Variants in CBLN3 observed in about 807,000 individuals in gnomAD.
CBLN3 encodes the protein cerebellin 3 precursor, also known as cerebellin-3.
CBLN3 carries 14 observed loss-of-function variants against 17.4 expected under a neutral mutation model. That is an observed-to-expected ratio of 0.81 (90% CI 0.53 to 1.26). The LOEUF (loss-of-function observed/expected upper bound fraction) is 1.26. Ranked by LOEUF, CBLN3 falls within the 50% of genes most tolerant of loss-of-function variation. The pLI, the probability that CBLN3 is intolerant of heterozygous loss-of-function variation, is 0.00. For missense variants in CBLN3, 263 were observed against 268.5 expected (o/e 0.98, Z 0.14); for synonymous variants, 129 against 117.4 (o/e 1.10, Z -0.64).
Position 24,429,000 on chromosome 14 carries a change from G to A in CBLN3, c.55C>T (p.Pro19Ser). 1 of 1,549,576 alleles carries A rather than the reference G, an allele frequency of 6.5e-7. No homozygotes were observed. Among genetic ancestry groups the A allele is most frequent in the East Asian group, 2.4e-5 (1 of 40,914 alleles). The change falls in exon 1 of 3, where the codon CCC (proline) becomes TCC (serine). Residue 19 changes from proline to serine, a missense_variant. Transcript: ENST00000267406. Reference protein sequence around the residue: ...LPGPLHSPGLPLVLVLLALGA... With the variant: ...LPGPLHSPGLSLVLVLLALGA... ...AGGGCCAGAAGCACCAGAACCAAGG[G>A]CAGCCCGGGACTGTGTAGGGGACCT...
In CBLN3 at chr14:24,428,969, GC is replaced by G. The variant is rs759346972; in HGVS notation, c.85del (p.Ala29ProfsTer75). ...PLVLVLLALG[A>X]GWAQEGSEPV... The stretch of plus-strand genomic sequence containing the variant: ...CTCTGACCCCTCCTGGGCCCACCCG[GC>G]CCCCAGGGCCAGAAGCACCAGAACC... On this transcript the variant is annotated frameshift_variant, in exon 1 of 3. Coordinates refer to ENST00000267406, the MANE Select transcript of CBLN3 (RefSeq NM_001039771.3). LOFTEE classifies it high-confidence loss of function. 6.4e-7 allele frequency: 1 copy of G among 1,551,098 alleles called. No homozygotes were observed. The highest frequency in any genetic ancestry group is 8.7e-7 in the Non-Finnish European group (1 of 1,146,928).
intron 1 of CBLN3, 61 bp from the exon 2 acceptor site, chr14:24,428,466 T>C (rs1184882304): frequency 1.9e-6 from 3 of 1,598,182 alleles, no homozygotes; most frequent in Admixed American, 1.7e-5. Context: ...AGGGGTACCA[T>C]GGGGACTAGG....
Position 24,428,295 on chromosome 14 carries a change from T to C in CBLN3, c.411A>G (p.Gln137=). 1.9e-6 allele frequency: 3 copies of C among 1,613,724 alleles called. No individual in the cohort carries two copies. The highest frequency in any genetic ancestry group is 2.5e-6 in the Non-Finnish European group (3 of 1,179,882). Residue 137 remains glutamine, a synonymous_variant, in exon 2 of 3, where the codon CAA becomes CAG. Transcript: ENST00000267406. ...CCAGTGCTGAGGTCACCTGGACAGT[T>C]TGGCGGTTGTACACCTTCACCACAT... ...RFHVVKVYNR[Q]TVQVSLMLNT...
In CBLN3 at chr14:24,428,317, A is replaced by G; in HGVS notation, c.389T>C (p.Val130Ala). ...AGTTTGGCGGTTGTACACCTTCACC[A>G]CATGGAACCGGAAGCTGTAGACACC... Reference protein sequence around the residue: ...VRGVYSFRFHVVKVYNRQTVQ... With the variant: ...VRGVYSFRFHAVKVYNRQTVQ... The change falls in exon 2 of 3, where the codon GTG becomes GCG. Residue 130 changes from valine to alanine, a missense_variant. Coordinates refer to ENST00000267406, the MANE Select transcript of CBLN3 (RefSeq NM_001039771.3). 1 of 1,613,890 alleles carries G rather than the reference A, an allele frequency of 6.2e-7. No homozygotes were observed. Among genetic ancestry groups the G allele is most frequent in the Non-Finnish European group, 8.5e-7 (1 of 1,179,898 alleles).
At position 24,429,606 on chromosome 14, in the gene CBLN3, C is replaced by A; in HGVS notation, c.-552G>T. ...CCTCCGCCTCCCGCCTCCCGCCTAC[C>A]CCCTCCGCCACGATTGCTTTGGTGG... On this transcript the variant is annotated 5_prime_UTR_variant, in exon 1 of 3. Transcript: ENST00000267406. 2 of 950,474 alleles carry A rather than the reference C, an allele frequency of 2.1e-6. No individual in the cohort carries two copies. Among genetic ancestry groups the A allele is most frequent in the Non-Finnish European group, 2.7e-6 (2 of 727,968 alleles). The allele number at this position is 950,474 out of a possible 1,614,324, so 58.9% of individuals were successfully genotyped here.
Position 24,429,569 on chromosome 14 carries a change from C to A in CBLN3, c.-515G>T. 1.9e-6 allele frequency: 1 copy of A among 534,254 alleles called. No individual in the cohort carries two copies. The highest frequency in any genetic ancestry group is 3.0e-6 in the Non-Finnish European group (1 of 334,578). The allele number at this position is 534,254 out of a possible 1,614,324, so 33.1% of individuals were successfully genotyped here. On this transcript the variant is annotated 5_prime_UTR_variant, in exon 1 of 3. Transcript: ENST00000267406. The stretch of plus-strand genomic sequence containing the variant: ...CGTTTGTTGGAAGAAAGGGGTACTC[C>A]ACCACGGGTACCCTCCGCCTCCCGC...
chr14:24,426,877 T>C lies in CBLN3; in HGVS notation c.*912A>G, dbSNP rs1399078325. 3 of 152,246 alleles carry C rather than the reference T, an allele frequency of 2.0e-5. No individual in the cohort carries two copies. Among genetic ancestry groups the C allele is most frequent in the Non-Finnish European group, 2.9e-5 (2 of 68,146 alleles). 9.4% of individuals were successfully genotyped at this position (152,246 alleles called of 1,614,324 possible). On this transcript the variant is annotated 3_prime_UTR_variant, in exon 3 of 3. Transcript: ENST00000267406. Reference sequence around the variant, plus strand: ...TGGGGATATGCTGGAACAGGTACAGTGAAGATAACTCAGTGAGAGAGCTGG... The same window carrying C: ...TGGGGATATGCTGGAACAGGTACAGCGAAGATAACTCAGTGAGAGAGCTGG...
rs769666640 is a variant in CBLN3, at chr14:24,427,929, C to T, written c.478G>A (p.Val160Met). The T allele has an allele frequency of 5.0e-6, 8 of 1,613,822 alleles. No homozygotes were observed. The highest frequency in any genetic ancestry group is 1.7e-5 in the Admixed American group (1 of 59,998). Residue 160 changes from valine (V) to methionine (M), a missense_variant, in exon 3 of 3, where the codon GTG becomes ATG. Physicochemically the swap from Val to Met is conservative, Grantham distance 21 (BLOSUM62 1). Transcript: ENST00000267406. The surrounding 1 kb of genome is among the most constrained non-coding windows in gnomAD (Gnocchi z 4.4). ...GAGCTGGTGGCTGCCTCCCGGGTCACGTCAGGATCATTGGCAAAGGCTGAG... is the reference window on the plus strand; with the variant it reads ...GAGCTGGTGGCTGCCTCCCGGGTCATGTCAGGATCATTGGCAAAGGCTGAG... ...VISAFANDPD[V>M]TREAATSSVL...
chr14:24,428,627 C>T lies in CBLN3; in HGVS notation c.300+128G>A, dbSNP rs1194198414. 4.2e-6 allele frequency: 5 copies of T among 1,195,082 alleles called. No individual in the cohort carries two copies. The East Asian group carries it at 9.6e-5, about 23-fold the overall frequency. 74.0% of individuals were successfully genotyped at this position (1,195,082 alleles called of 1,614,324 possible). On this transcript the variant is annotated intron_variant, in intron 1 of 2. Coordinates refer to ENST00000267406, the MANE Select transcript of CBLN3 (RefSeq NM_001039771.3). ...GTCGGTGGGGTGGTGGGGCAATAGGCCAGATTAGTGAAAGATGTAGGAAGC... is the reference window on the plus strand; with the variant it reads ...GTCGGTGGGGTGGTGGGGCAATAGGTCAGATTAGTGAAAGATGTAGGAAGC...
In CBLN3 at chr14:24,427,338, GC is replaced by G. The variant is rs573081995; in HGVS notation, c.*450del. On this transcript the variant is annotated 3_prime_UTR_variant, in exon 3 of 3. Coordinates refer to ENST00000267406, the MANE Select transcript of CBLN3 (RefSeq NM_001039771.3). This position sits in a 1 kb window ranked among gnomAD's most constrained non-coding sequence, Gnocchi z 4.4. ...GACGGTGCTGGCTGAGATCCGTGATGCTGGCTTTCCTCACAGGAAGAAGCCT... is the reference window on the plus strand; with the variant it reads ...GACGGTGCTGGCTGAGATCCGTGATGTGGCTTTCCTCACAGGAAGAAGCCT... The G allele has an allele frequency of 5.0e-4, 91 of 180,218 alleles. No homozygotes were observed. Among genetic ancestry groups the G allele is most frequent in the Admixed American group, 8.4e-4 (15 of 17,954 alleles). 11.2% of individuals were successfully genotyped at this position (180,218 alleles called of 1,614,324 possible).
Position 24,428,365 on chromosome 14 carries a change from C to G in CBLN3, c.341G>C (p.Gly114Ala), listed in dbSNP as rs1300516903. 4 of 1,613,914 alleles carry G rather than the reference C, an allele frequency of 2.5e-6. No individual in the cohort carries two copies. Among genetic ancestry groups the G allele is most frequent in the Non-Finnish European group, 3.4e-6 (4 of 1,179,920 alleles). Reference sequence around the variant, plus strand: ...ACCCCGGACAGGGGCTACGAAGGAGCCAGAGGCCCGGTCAAAGCCACCGCC... The same window carrying G: ...ACCCCGGACAGGGGCTACGAAGGAGGCAGAGGCCCGGTCAAAGCCACCGCC... ...NEGGGFDRAS[G>A]SFVAPVRGVY... is the part of the protein sequence containing the mutation. Residue 114 changes from glycine (G) to alanine (A), a missense_variant, in exon 2 of 3, where the codon GGC (glycine) becomes GCC (alanine). Gly to Ala is a moderately conservative substitution (Grantham distance 60). Transcript: ENST00000267406.
In CBLN3 at chr14:24,428,801, G is replaced by C; in HGVS notation, c.254C>G (p.Ala85Gly). 1 of 1,609,514 alleles carries C rather than the reference G, an allele frequency of 6.2e-7. No homozygotes were observed. The highest frequency in any genetic ancestry group is 8.5e-7 in the Non-Finnish European group (1 of 1,177,020). The change falls in exon 1 of 3, where the codon GCA becomes GGA. Residue 85 changes from alanine (A) to glycine (G), a missense_variant. Physicochemically the swap from Ala to Gly is moderately conservative, Grantham distance 60 (BLOSUM62 0). Transcript: ENST00000267406. ...ACTGGTGCCATTGCCGGTTTCCCCT[G>C]CTGGCTCATGGTGGTGGCTTCGGAC... ...AAVRSHHHEPAGETGNGTSGA... is the reference protein window; with the variant it reads ...AAVRSHHHEPGGETGNGTSGA...
chr14:24,428,145 T>G (rs2043041367), intron 2 of CBLN3, 141 bp downstream of exon 2: 1 of 1,354,536 alleles, frequency 7.4e-7, no homozygotes, highest in East Asian at 2.3e-5. Flanking sequence ...CCACACTCAA[T>G]GCAAGGCAGG....
Position 24,427,972 on chromosome 14 carries a change from C to T in CBLN3, c.435G>A (p.Leu145=). The part of the protein sequence containing the change: ...NRQTVQVSLM[L]NTWPVISAFA... The stretch of plus-strand genomic sequence containing the variant: ...AGGCTGAGATGACAGGCCACGTGTT[C>T]AGCATCAGGCTCACCTGGGGAGGGG... Residue 145 remains leucine, a synonymous_variant, in exon 3 of 3, where the codon CTG becomes CTA. Transcript: ENST00000267406. This position sits in a 1 kb window ranked among gnomAD's most constrained non-coding sequence, Gnocchi z 4.4. 1.2e-6 allele frequency: 2 copies of T among 1,613,366 alleles called. No homozygotes were observed. Among genetic ancestry groups the T allele is most frequent in the Non-Finnish European group, 1.7e-6 (2 of 1,179,772 alleles).
intron 2 of CBLN3, 23 bp downstream of exon 2, chr14:24,428,263 A>C: frequency 6.2e-7 from 1 of 1,612,162 alleles, no homozygotes; most frequent in Non-Finnish European, 8.5e-7. Context: ...TGAGCCGGGG[A>C]TGGGGGCCAG....
In CBLN3 at chr14:24,429,486, A is replaced by C; in HGVS notation, c.-432T>G. 2.2e-6 allele frequency: 1 copy of C among 464,950 alleles called. No homozygotes were observed. The allele number at this position is 464,950 out of a possible 1,614,324, so 28.8% of individuals were successfully genotyped here. A position where few individuals can be genotyped will look rare whatever the true frequency, so the allele number is the denominator to read the frequency against. On this transcript the variant is annotated 5_prime_UTR_variant, in exon 1 of 3. Transcript: ENST00000267406. ...GGCAGCCCCTCAACCCCTTCCTCCTACTCTTCCTCTCTTCAAAATCCCCCA... is the reference window on the plus strand; with the variant it reads ...GGCAGCCCCTCAACCCCTTCCTCCTCCTCTTCCTCTCTTCAAAATCCCCCA...
In CBLN3 at chr14:24,427,697, AGT is replaced by A; in HGVS notation, c.*90_*91del. 1 of 1,147,392 alleles carries A rather than the reference AGT, an allele frequency of 8.7e-7. No individual in the cohort carries two copies. The allele number at this position is 1,147,392 out of a possible 1,614,324, so 71.1% of individuals were successfully genotyped here. A position where few individuals can be genotyped will look rare whatever the true frequency, so the allele number is the denominator to read the frequency against. ...AAGAGGTGGGATAGGAGCCAGAGGG[AGT>A]CTCTCTCCTGCCTCTGCTGTTTCTG... On this transcript the variant is annotated 3_prime_UTR_variant, in exon 3 of 3. Coordinates refer to ENST00000267406, the MANE Select transcript of CBLN3 (RefSeq NM_001039771.3). The surrounding 1 kb of genome is among the most constrained non-coding windows in gnomAD (Gnocchi z 4.4).
intron 2 of CBLN3, 98 bp downstream of exon 2, chr14:24,428,188 A>G: frequency 6.7e-7 from 1 of 1,501,968 alleles, no homozygotes; most frequent in Admixed American, 1.8e-5. Flanking sequence ...CCTCCAGGAC[A>G]CAGGTCAATG....
chr14:24,428,463 C>T lies in CBLN3; in HGVS notation c.301-58G>A. Reference sequence around the variant, plus strand: ...AGGAAATGCCCATGGCTCAGGGGTACCATGGGGACTAGGGGCAGGGGCAGT... The same window carrying T: ...AGGAAATGCCCATGGCTCAGGGGTATCATGGGGACTAGGGGCAGGGGCAGT... On this transcript the variant is annotated intron_variant, in intron 1 of 2. Coordinates refer to ENST00000267406, the MANE Select transcript of CBLN3 (RefSeq NM_001039771.3). 3 of 1,601,422 alleles carry T rather than the reference C, an allele frequency of 1.9e-6. No individual in the cohort carries two copies. In the South Asian group the frequency reaches 3.3e-5, roughly 18 times the overall value.
Sources: allele counts gnomAD v4.1 joint callset, GRCh38; gene constraint gnomAD v4.1.1; non-coding constraint Gnocchi (gnomAD v3.1); transcripts MANE v1.5; gene names NCBI Gene and HGNC (gene_info 2026-07-23, HGNC 2026-07-21).